SOX4: variants seen among roughly 807,000 people sequenced by gnomAD.
The protein encoded by SOX4 is SRY-box transcription factor 4.
For synonymous variants in SOX4, 465 were observed against 348.4 expected (o/e 1.33, Z -3.73); for missense variants, 662 against 694.9 (o/e 0.95, Z 0.53).
Position 21,595,810 on chromosome 6 carries a change from T to C in SOX4, c.1276T>C (p.Ser426Pro). 1 of 1,613,544 alleles carries C rather than the reference T, an allele frequency of 6.2e-7. No homozygotes were observed. The change falls in exon 1 of 1, where the codon TCG (serine) becomes CCG (proline). Residue 426 changes from serine to proline, a missense_variant. Coordinates refer to ENST00000244745, the MANE Select transcript of SOX4 (RefSeq NM_003107.3). The part of the protein sequence containing the change: ...SMSLGSFSSS[S>P]ALDRDLDFNF... ...GTCCCTGGGCAGCTTCAGTTCGTCG[T>C]CGGCGCTCGACCGGGACCTGGATTT...
At position 21,597,042 on chromosome 6, in the gene SOX4, A is replaced by T. The variant is rs1212108385; in HGVS notation, c.*1083A>T. 1 of 166,820 alleles carries T rather than the reference A, an allele frequency of 6.0e-6. No homozygotes were observed. The highest frequency in any genetic ancestry group is 1.5e-5 in the Non-Finnish European group (1 of 68,066). The allele number at this position is 166,820 out of a possible 1,614,324, so 10.3% of individuals were successfully genotyped here. A position where few individuals can be genotyped will look rare whatever the true frequency, so the allele number is the denominator to read the frequency against. ...TTAATCGGAATCGTGATGGTGTTGG[A>T]TTATTTCAATGGTGGGGTTAATATA... On this transcript the variant is annotated 3_prime_UTR_variant, in exon 1 of 1. Transcript: ENST00000244745.
rs753093855 is a variant in SOX4 at position 21,594,664 on chromosome 6, G to C, written c.130G>C (p.Gly44Arg). 1 of 1,601,272 alleles carries C rather than the reference G, an allele frequency of 6.2e-7. No individual in the cohort carries two copies. Among genetic ancestry groups the C allele is most frequent in the Non-Finnish European group, 8.5e-7 (1 of 1,174,672 alleles). The change falls in exon 1 of 1, where the codon GGC (glycine) becomes CGC (arginine). Residue 44 changes from glycine (G) to arginine (R), a missense_variant. Transcript: ENST00000244745. ...PTPGSTASTG[G>R]KADDPSWCKT... ...GCCCGGCTCCACCGCCTCCACGGGC[G>C]GCAAGGCCGACGACCCGAGCTGGTG...
Position 21,594,392 on chromosome 6 carries a change from G to A in SOX4, c.-143G>A. The A allele has an allele frequency of 2.8e-6, 3 of 1,062,150 alleles. No homozygotes were observed. Among genetic ancestry groups the A allele is most frequent in the Non-Finnish European group, 3.7e-6 (3 of 817,086 alleles). 65.8% of individuals were successfully genotyped at this position (1,062,150 alleles called of 1,614,324 possible). On this transcript the variant is annotated 5_prime_UTR_variant, in exon 1 of 1. Transcript: ENST00000244745. ...TCTCTTTACCCACCTCCGCCCCTGC[G>A]AGGAGTTGAGGGGCCAGTTCGGCCG...
chr6:21,595,145 C>G lies in SOX4; in HGVS notation c.611C>G (p.Ala204Gly), dbSNP rs1190342049. ...AAAAAGAGCTGCGGCTCCAAAGTGG[C>G]GGGCGGCGCGGGCGGTGGGGTTAGC... is the stretch of plus-strand genomic sequence containing the variant. ...AQKKSCGSKVAGGAGGGVSKP... is the reference protein window; with the variant it reads ...AQKKSCGSKVGGGAGGGVSKP... The change falls in exon 1 of 1, where the codon GCG becomes GGG. Residue 204 changes from alanine to glycine, a missense_variant. Transcript: ENST00000244745. The G allele has an allele frequency of 1.1e-5, 15 of 1,335,362 alleles. No individual in the cohort carries two copies. In the East Asian group the frequency reaches 4.1e-4, roughly 36 times the overall value. 82.7% of individuals were successfully genotyped at this position (1,335,362 alleles called of 1,614,324 possible).
chr6:21,594,269 G>C lies in SOX4; in HGVS notation c.-266G>C, dbSNP rs541593107. On this transcript the variant is annotated 5_prime_UTR_variant, in exon 1 of 1. Transcript: ENST00000244745. ...GACAGCAAACTGCAGCGCGGTGAGAGAGCGAGAGAGAGGGAGAGAGAGACT... is the reference window on the plus strand; with the variant it reads ...GACAGCAAACTGCAGCGCGGTGAGACAGCGAGAGAGAGGGAGAGAGAGACT... 3 of 367,564 alleles carry C rather than the reference G, an allele frequency of 8.2e-6. No homozygotes were observed. Among genetic ancestry groups the C allele is most frequent in the Non-Finnish European group, 1.4e-5 (3 of 209,800 alleles). The allele number at this position is 367,564 out of a possible 1,614,324, so 22.8% of individuals were successfully genotyped here. A position where few individuals can be genotyped will look rare whatever the true frequency, so the allele number is the denominator to read the frequency against.
At position 21,596,121 on chromosome 6, in the gene SOX4, A is replaced by G. The variant is rs958026636; in HGVS notation, c.*162A>G. ...TCGCCCGCGTTCTCGTCGTCGGATC[A>G]AGGAGCGCGGCGGCGTTTTGGACCC... On this transcript the variant is annotated 3_prime_UTR_variant, in exon 1 of 1. Coordinates refer to ENST00000244745, the MANE Select transcript of SOX4 (RefSeq NM_003107.3). 8.9e-6 allele frequency: 11 copies of G among 1,230,566 alleles called. No homozygotes were observed. The Admixed American group carries it at 1.6e-4, about 18-fold the overall frequency. 76.2% of individuals were successfully genotyped at this position (1,230,566 alleles called of 1,614,324 possible). A position where few individuals can be genotyped will look rare whatever the true frequency, so the allele number is the denominator to read the frequency against.
chr6:21,597,509 T>C lies in SOX4; in HGVS notation c.*1550T>C. 1 of 140,430 alleles carries C rather than the reference T, an allele frequency of 7.1e-6. No individual in the cohort carries two copies. The highest frequency in any genetic ancestry group is 2.9e-5 in the African/African-American group (1 of 34,992). The allele number at this position is 140,430 out of a possible 1,614,324, so 8.7% of individuals were successfully genotyped here. ...TCTTTATTCCTTCCTTTTCCTTTTT[T>C]TCTTTTTTTTTTCTTTTTTTTTTTT... On this transcript the variant is annotated 3_prime_UTR_variant, in exon 1 of 1. Coordinates refer to ENST00000244745, the MANE Select transcript of SOX4 (RefSeq NM_003107.3).
chr6:21,594,502 T>C lies in SOX4; in HGVS notation c.-33T>C. On this transcript the variant is annotated 5_prime_UTR_variant, in exon 1 of 1. Transcript: ENST00000244745. ...TCGCGCGGCGGCCGCCGCGAGGGTG[T>C]GAGCGCGCGTGGGCGCCCGCCGAGC... The C allele has an allele frequency of 2.8e-6, 4 of 1,441,754 alleles. No homozygotes were observed. Among genetic ancestry groups the C allele is most frequent in the Non-Finnish European group, 3.6e-6 (4 of 1,107,318 alleles). The allele number at this position is 1,441,754 out of a possible 1,614,324, so 89.3% of individuals were successfully genotyped here.
In SOX4 at chr6:21,596,497, TA is replaced by T. The variant is rs1679194453; in HGVS notation, c.*541del. 6.0e-6 allele frequency: 1 copy of T among 167,046 alleles called. No homozygotes were observed. Among genetic ancestry groups the T allele is most frequent in the African/African-American group, 2.4e-5 (1 of 41,432 alleles). The allele number at this position is 167,046 out of a possible 1,614,324, so 10.3% of individuals were successfully genotyped here. A position where few individuals can be genotyped will look rare whatever the true frequency, so the allele number is the denominator to read the frequency against. On this transcript the variant is annotated 3_prime_UTR_variant, in exon 1 of 1. Transcript: ENST00000244745. ...CAGCGCACCCCTCCCCCCCTTTTTT[TA>T]AACGCGTGATGAAGACAGAAGGCTC...
At position 21,595,014 on chromosome 6, in the gene SOX4, C is replaced by T. The variant is rs551008686; in HGVS notation, c.480C>T (p.Gly160=). The change falls in exon 1 of 1, where the codon GGC becomes GGT. Residue 160 remains glycine, a synonymous_variant. Transcript: ENST00000244745. ...KPGEKGDKVG[G]SGGGGHGGGG... is the part of the protein sequence containing the mutation. ...GGGAGAAGGGAGACAAGGTCGGTGGCAGTGGCGGGGGCGGCCATGGGGGCG... is the reference window on the plus strand; with the variant it reads ...GGGAGAAGGGAGACAAGGTCGGTGGTAGTGGCGGGGGCGGCCATGGGGGCG... 1.3e-6 allele frequency: 2 copies of T among 1,513,944 alleles called. No individual in the cohort carries two copies. The highest frequency in any genetic ancestry group is 2.5e-5 in the East Asian group (1 of 39,972). The allele number at this position is 1,513,944 out of a possible 1,614,324, so 93.8% of individuals were successfully genotyped here. A position where few individuals can be genotyped will look rare whatever the true frequency, so the allele number is the denominator to read the frequency against.
chr6:21,594,377 C>A lies in SOX4; in HGVS notation c.-158C>A. 4 of 891,884 alleles carry A rather than the reference C, an allele frequency of 4.5e-6. No homozygotes were observed. The highest frequency in any genetic ancestry group is 6.0e-6 in the Non-Finnish European group (4 of 664,346). The allele number at this position is 891,884 out of a possible 1,614,324, so 55.2% of individuals were successfully genotyped here. ...TTTTGGGGACTTTTCTCTCTTTACC[C>A]ACCTCCGCCCCTGCGAGGAGTTGAG... On this transcript the variant is annotated 5_prime_UTR_variant, in exon 1 of 1. Coordinates refer to ENST00000244745, the MANE Select transcript of SOX4 (RefSeq NM_003107.3).
rs1188699776 is a variant in SOX4, at chr6:21,596,767, C to G, written c.*808C>G. 1.2e-5 allele frequency: 2 copies of G among 166,992 alleles called. No homozygotes were observed. Among genetic ancestry groups the G allele is most frequent in the African/African-American group, 4.8e-5 (2 of 41,396 alleles). The allele number at this position is 166,992 out of a possible 1,614,324, so 10.3% of individuals were successfully genotyped here. ...CTAGGGGCGGGGGCGGAGGAGGACA[C>G]GAACTGGAAGGGGGTTCACGGTCAA... is the stretch of plus-strand genomic sequence containing the variant. On this transcript the variant is annotated 3_prime_UTR_variant, in exon 1 of 1. Transcript: ENST00000244745.
rs1763103731 is a variant in SOX4, at chr6:21,595,001, A to C, written c.467A>C (p.Asp156Ala). The change falls in exon 1 of 1, where the codon GAC becomes GCC. Residue 156 changes from aspartate (D) to alanine (A), a missense_variant. By Grantham distance (126) the Asp-to-Ala change is moderately radical (BLOSUM62 -2). Coordinates refer to ENST00000244745, the MANE Select transcript of SOX4 (RefSeq NM_003107.3). ...TCCTCCAAGCCGGGGGAGAAGGGAG[A>C]CAAGGTCGGTGGCAGTGGCGGGGGC... ...AASSKPGEKG[D>A]KVGGSGGGGH... 1.3e-6 allele frequency: 2 copies of C among 1,558,972 alleles called. No individual in the cohort carries two copies. Among genetic ancestry groups the C allele is most frequent in the East Asian group, 4.7e-5 (2 of 42,190 alleles).
chr6:21,595,290 C>G lies in SOX4; in HGVS notation c.756C>G (p.Ala252=). The G allele has an allele frequency of 4.2e-6, 6 of 1,417,960 alleles. No individual in the cohort carries two copies. Among genetic ancestry groups the G allele is most frequent in the South Asian group, 1.4e-5 (1 of 71,314 alleles). 87.8% of individuals were successfully genotyped at this position (1,417,960 alleles called of 1,614,324 possible). ...CCGCCGCCCTGCTGCCCCTGGGCGC[C>G]GCCGCCGACCACCACTCGCTGTACA... ...AGAAALLPLG[A]AADHHSLYKA... is the part of the protein sequence containing the mutation. Residue 252 remains alanine (A), a synonymous_variant, in exon 1 of 1, where the codon GCC becomes GCG. Coordinates refer to ENST00000244745, the MANE Select transcript of SOX4 (RefSeq NM_003107.3).
chr6:21,593,902 C>T lies in SOX4; in HGVS notation c.-633C>T, dbSNP rs750529135. 6.6e-6 allele frequency: 1 copy of T among 152,126 alleles called. No homozygotes were observed. The highest frequency in any genetic ancestry group is 6.6e-5 in the Admixed American group (1 of 15,266). The allele number at this position is 152,126 out of a possible 1,614,324, so 9.4% of individuals were successfully genotyped here. On this transcript the variant is annotated 5_prime_UTR_variant, in exon 1 of 1. Coordinates refer to ENST00000244745, the MANE Select transcript of SOX4 (RefSeq NM_003107.3). ...CTTGCAGAAGGGAGGGGGAAACATA[C>T]ATTTATTCATGCCAGTCTGTTGCAT...
Position 21,598,392 on chromosome 6 carries a change from A to AGGGTTT in SOX4, c.*2434_*2439dup, listed in dbSNP as rs1443533130. On this transcript the variant is annotated 3_prime_UTR_variant, in exon 1 of 1. Coordinates refer to ENST00000244745, the MANE Select transcript of SOX4 (RefSeq NM_003107.3). Reference sequence around the variant, plus strand: ...CTGCCTTTTTAAGGCAGTTCCGTTAAGGGTTTTTGTTTTTAAACTTTTTTT... The same window carrying AGGGTTT: ...CTGCCTTTTTAAGGCAGTTCCGTTAAGGGTTTGGGTTTTTGTTTTTAAACTTTTTTT... 1 of 167,106 alleles carries AGGGTTT rather than the reference A, an allele frequency of 6.0e-6. No homozygotes were observed. The highest frequency in any genetic ancestry group is 1.5e-5 in the Non-Finnish European group (1 of 68,120). 10.4% of individuals were successfully genotyped at this position (167,106 alleles called of 1,614,324 possible).
At position 21,595,427 on chromosome 6, in the gene SOX4, T is replaced by C. The variant is rs773136486; in HGVS notation, c.893T>C (p.Leu298Pro). 1.3e-6 allele frequency: 2 copies of C among 1,520,332 alleles called. No individual in the cohort carries two copies. The highest frequency in any genetic ancestry group is 2.0e-5 in the Admixed American group (1 of 50,064). The allele number at this position is 1,520,332 out of a possible 1,614,324, so 94.2% of individuals were successfully genotyped here. A position where few individuals can be genotyped will look rare whatever the true frequency, so the allele number is the denominator to read the frequency against. ...GAGAAGAAGGTGAAGCGCGTCTACC[T>C]GTTCGGCGGCCTGGGCACGTCGTCG... is the stretch of plus-strand genomic sequence containing the variant. ...LAEKKVKRVY[L>P]FGGLGTSSSP... Residue 298 changes from leucine to proline, a missense_variant, in exon 1 of 1, where the codon CTG becomes CCG. Physicochemically the swap from Leu to Pro is moderately conservative, Grantham distance 98. Transcript: ENST00000244745.
At position 21,594,643 on chromosome 6, in the gene SOX4, G is replaced by A; in HGVS notation, c.109G>A (p.Gly37Ser). 1 of 1,603,566 alleles carries A rather than the reference G, an allele frequency of 6.2e-7. No homozygotes were observed. The highest frequency in any genetic ancestry group is 8.5e-7 in the Non-Finnish European group (1 of 1,175,954). The change falls in exon 1 of 1, where the codon GGC becomes AGC. Residue 37 changes from glycine to serine, a missense_variant. Coordinates refer to ENST00000244745, the MANE Select transcript of SOX4 (RefSeq NM_003107.3). ...GGGAATCGCCTCCTCCCCCACGCCC[G>A]GCTCCACCGCCTCCACGGGCGGCAA... Reference protein sequence around the residue: ...ELGIASSPTPGSTASTGGKAD... With the variant: ...ELGIASSPTPSSTASTGGKAD...
In SOX4 at chr6:21,594,654, C is replaced by G; in HGVS notation, c.120C>G (p.Ala40=). 2 of 1,602,836 alleles carry G rather than the reference C, an allele frequency of 1.2e-6. No homozygotes were observed. The highest frequency in any genetic ancestry group is 1.7e-6 in the Non-Finnish European group (2 of 1,175,454). The change falls in exon 1 of 1, where the codon GCC becomes GCG. Residue 40 remains alanine, a synonymous_variant. Transcript: ENST00000244745. ...CCTCCCCCACGCCCGGCTCCACCGC[C>G]TCCACGGGCGGCAAGGCCGACGACC... is the stretch of plus-strand genomic sequence containing the variant. ...IASSPTPGST[A]STGGKADDPS...
Sources: allele counts gnomAD v4.1 joint callset, GRCh38; gene constraint gnomAD v4.1.1; transcripts MANE v1.5; gene names NCBI Gene and HGNC (gene_info 2026-07-23, HGNC 2026-07-21).